PLBD2: variants seen among roughly 807,000 people sequenced by gnomAD.
PLBD2 encodes putative aminopeptidase PLBD2.
Under a neutral mutation model 68.3 loss-of-function variants are expected in PLBD2, and 51 were observed. That is an observed-to-expected ratio of 0.75 (90% confidence interval 0.60 to 0.94). The LOEUF is 0.94. PLBD2 is among the 40% of genes least tolerant of loss of function. PLBD2 has a pLI of 0.00. For synonymous variants in PLBD2, 314 were observed against 339.3 expected, an observed-to-expected ratio of 0.93 and a Z score of 0.82; for missense variants, 729 against 792.2, an observed-to-expected ratio of 0.92 and a Z score of 0.96.
At chr12:113,382,835 T>TTGTGTGTGTGTGTGTG (rs1209547269) in intron 6 of PLBD2, among the ~76,000 whole-genome samples, 1 of 106,536 alleles carries the variant, frequency 9.4e-6, no homozygotes, top group African/African-American at 3.8e-5. Context: ...TGGTGGTTTT[T>TTGTGTGTGTGTGTGTG]TGTGTGTGTG....
intron 6 of PLBD2, among the ~76,000 whole-genome samples, chr12:113,382,542 C>G (rs982639754): frequency 6.6e-6 from 1 of 151,460 alleles, no homozygotes; most frequent in African/African-American, 2.4e-5. Context: ...ACCTCAGCCT[C>G]AAGCGATCCT....
At chr12:113,366,931 T>C (rs1957347433) in intron 1 of PLBD2, among the ~76,000 whole-genome samples, 1 of 152,128 alleles carries the variant, frequency 6.6e-6, no homozygotes, top group Admixed American at 6.5e-5. Context: ...GCGATTCTCC[T>C]GCCTCAGGCT....
intron 1 of PLBD2, chr12:113,359,611 TCCG>T (rs1957271367): frequency 6.6e-6 from 1 of 152,282 alleles, no homozygotes; most frequent in Non-Finnish European, 1.5e-5. Flanking sequence ...ACCTAACTCC[TCCG>T]CCTGTCTGGG....
intron 6 of PLBD2, 81 bp downstream of exon 6, chr12:113,380,923 G>C (rs34831983): frequency 7.6e-7 from 1 of 1,321,978 alleles, no homozygotes; most frequent in Non-Finnish European, 1.1e-6. Flanking sequence ...TGATTCCTGC[G>C]GCAAGTGGGG....
intron 6 of PLBD2, among the ~76,000 whole-genome samples, chr12:113,383,277 T>G (rs1957513979): frequency 6.6e-6 from 1 of 151,338 alleles, no homozygotes; most frequent in Admixed American, 6.6e-5. Context: ...GGGAAAGGGG[T>G]GGGAATGGGA....
Position 113,388,506 on chromosome 12 carries a change from C to T in PLBD2, c.1650C>T (p.Ser550=), listed in dbSNP as rs377323141. 60 of 1,606,640 alleles carry T rather than the reference C, an allele frequency of 3.7e-5. No homozygotes were observed. The highest frequency in any genetic ancestry group is 1.7e-4 in the Middle Eastern group (1 of 6,046). Reference sequence around the variant, plus strand: ...GGATCCTGAGCCTGCTGGCGGCCAGCGGTCCCACGTGGGACCAGGTGCCCC... The same window carrying T: ...GGATCCTGAGCCTGCTGGCGGCCAGTGGTCCCACGTGGGACCAGGTGCCCC... The part of the protein sequence containing the change: ...LARILSLLAA[S]GPTWDQVPPF... Residue 550 remains serine (S), a synonymous_variant, in exon 12 of 12, where the codon AGC becomes AGT. Transcript: ENST00000280800.
Position 113,388,551 on chromosome 12 carries a change from G to C in PLBD2, c.1695G>C (p.Ser565=). Residue 565 remains serine, a synonymous_variant, in exon 12 of 12, where the codon TCG becomes TCC. Transcript: ENST00000280800. ...TGCCCCCGTTCCAGTGGAGCACCTC[G>C]CCCTTCAGCGGCCTGCTGCACATGG... ...DQVPPFQWST[S]PFSGLLHMGQ... is the part of the protein sequence containing the mutation. 6.2e-7 allele frequency: 1 copy of C among 1,611,258 alleles called. No individual in the cohort carries two copies. The highest frequency in any genetic ancestry group is 8.5e-7 in the Non-Finnish European group (1 of 1,178,720).
rs1032222389 is a variant in PLBD2 at position 113,378,390 on chromosome 12, A to T, written c.860-2355A>T. On this transcript the variant is annotated intron_variant, in intron 5 of 11. Coordinates refer to ENST00000280800, the MANE Select transcript of PLBD2 (RefSeq NM_173542.4). Reference sequence around the variant, plus strand: ...TACAGAATAGTTTCACTGCTCTAAAATGTTTGCTTTCTGAGTTTTTTTAAA... The same window carrying T: ...TACAGAATAGTTTCACTGCTCTAAATTGTTTGCTTTCTGAGTTTTTTTAAA... 2.0e-5 allele frequency among the ~76,000 whole-genome samples: 3 copies of T among 152,126 alleles called. No individual in the cohort carries two copies. The South Asian group carries it at 6.2e-4, about 31-fold the overall frequency.
chr12:113,386,106 C>G (rs1957549509), intron 9 of PLBD2, among the ~76,000 whole-genome samples: 1 of 152,234 alleles, frequency 6.6e-6, no homozygotes, highest in African/African-American at 2.4e-5. Flanking sequence ...GCTTGGCCAC[C>G]CCACCAAGCC....
Position 113,384,724 on chromosome 12 carries a change from A to T in PLBD2, c.1119-127A>T. ...GGTCATGCTGCAGCGTCAGGGTGTC[A>T]GTTGAATGGCTGGACAACCCCAGGC... On this transcript the variant is annotated intron_variant, in intron 7 of 11. Transcript: ENST00000280800. The surrounding 1 kb of genome is among the most constrained non-coding windows in gnomAD (Gnocchi z 4.2). The T allele has an allele frequency of 1.4e-6, 1 of 692,642 alleles. No homozygotes were observed. The highest frequency in any genetic ancestry group is 2.6e-6 in the Non-Finnish European group (1 of 391,884). The allele number at this position is 692,642 out of a possible 1,614,324, so 42.9% of individuals were successfully genotyped here.
At chr12:113,385,017 T>G (rs930449387) in intron 8 of PLBD2, 71 bp downstream of exon 8, 3 of 1,455,264 alleles carry the variant, frequency 2.1e-6, no homozygotes. Flanking sequence ...CCCAGAGCCG[T>G]GCTGGCGCTG....
At chr12:113,387,113 T>C (rs1957560618) in intron 10 of PLBD2, 24 bp downstream of exon 10, 5 of 1,544,494 alleles carry the variant, frequency 3.2e-6, no homozygotes, top group Non-Finnish European at 4.4e-6. Flanking sequence ...GGGTGGTGGG[T>C]TGGGGAGAGG....
chr12:113,384,356 G>GCCCGGATGCCA lies in PLBD2; in HGVS notation c.1118+92_1118+93insCCGGATGCCAC. On this transcript the variant is annotated intron_variant, in intron 7 of 11. Transcript: ENST00000280800. This position sits in a 1 kb window ranked among gnomAD's most constrained non-coding sequence, Gnocchi z 4.2. Reference sequence around the variant, plus strand: ...CTCACACTCCTGGGGACCAGATGTGGCATCCGGGCCACACACCCCACGCCC... The same window carrying GCCCGGATGCCA: ...CTCACACTCCTGGGGACCAGATGTGGCCCGGATGCCACATCCGGGCCACACACCCCACGCCC... The GCCCGGATGCCA allele has an allele frequency of 1.4e-6, 2 of 1,461,420 alleles. No individual in the cohort carries two copies. The highest frequency in any genetic ancestry group is 1.8e-6 in the Non-Finnish European group (2 of 1,085,370). The allele number at this position is 1,461,420 out of a possible 1,614,324, so 90.5% of individuals were successfully genotyped here. A position where few individuals can be genotyped will look rare whatever the true frequency, so the allele number is the denominator to read the frequency against.
Position 113,388,550 on chromosome 12 carries a change from C to T in PLBD2, c.1694C>T (p.Ser565Leu), listed in dbSNP as rs762112345. The change falls in exon 12 of 12, where the codon TCG becomes TTG. Residue 565 changes from serine to leucine, a missense_variant. Ser to Leu is a moderately radical substitution (Grantham distance 145). Transcript: ENST00000280800. ...DQVPPFQWST[S>L]PFSGLLHMGQ... Reference sequence around the variant, plus strand: ...GTGCCCCCGTTCCAGTGGAGCACCTCGCCCTTCAGCGGCCTGCTGCACATG... The same window carrying T: ...GTGCCCCCGTTCCAGTGGAGCACCTTGCCCTTCAGCGGCCTGCTGCACATG... The T allele has an allele frequency of 3.7e-6, 6 of 1,611,160 alleles. No individual in the cohort carries two copies. The highest frequency in any genetic ancestry group is 1.3e-5 in the African/African-American group (1 of 74,928).
At chr12:113,386,643 C>T (rs1371865004) in intron 9 of PLBD2, among the ~76,000 whole-genome samples, 2 of 152,068 alleles carry the variant, frequency 1.3e-5, no homozygotes, top group Non-Finnish European at 2.9e-5. Context: ...CTCAGCCTCC[C>T]GAGTAGCTGG....
chr12:113,380,782 C>T lies in PLBD2; in HGVS notation c.897C>T (p.Phe299=), dbSNP rs1221025857. The T allele has an allele frequency of 1.3e-6, 2 of 1,555,406 alleles. No individual in the cohort carries two copies. The highest frequency in any genetic ancestry group is 1.9e-5 in the Admixed American group (1 of 51,470). Residue 299 remains phenylalanine, a synonymous_variant, in exon 6 of 12, where the codon TTC becomes TTT. Transcript: ENST00000280800. ...YPLVPGNKLV[F]SSYPGTIFSC... ...TGGTTCCCGGCAACAAGCTGGTCTTCTCCTCCTACCCCGGCACCATCTTCT... is the reference window on the plus strand; with the variant it reads ...TGGTTCCCGGCAACAAGCTGGTCTTTTCCTCCTACCCCGGCACCATCTTCT...
intron 2 of PLBD2, among the ~76,000 whole-genome samples, chr12:113,370,229 T>C (rs186307238): frequency 6.6e-6 from 1 of 152,034 alleles, no homozygotes; most frequent in East Asian, 1.9e-4. Flanking sequence ...GTGAATTTTA[T>C]GGTATGCTGA....
chr12:113,387,344 A>T (rs1443788573), intron 10 of PLBD2, among the ~76,000 whole-genome samples: 1 of 152,150 alleles, frequency 6.6e-6, no homozygotes, highest in East Asian at 1.9e-4. Context: ...TATGCTTGGT[A>T]CCAGGAGCAA....
chr12:113,362,904 C>T (rs1052297664), intron 1 of PLBD2, among the ~76,000 whole-genome samples: 1 of 151,758 alleles, frequency 6.6e-6, no homozygotes, highest in Non-Finnish European at 1.5e-5. Context: ...CCTGCCTCAG[C>T]CTCCCTAGTA....
Sources: allele counts gnomAD v4.1 joint callset (sites outside exome capture counted in the v4.1 genomes callset), GRCh38; gene constraint gnomAD v4.1.1; non-coding constraint Gnocchi (gnomAD v3.1); transcripts MANE v1.5; gene names NCBI Gene and HGNC (gene_info 2026-07-23, HGNC 2026-07-21).